FSCN2: variants seen among roughly 807,000 people sequenced by gnomAD.
FSCN2 encodes the protein fascin-2.
FSCN2 carries 46 observed loss-of-function variants against 37.8 expected under a neutral mutation model. The observed-to-expected ratio is 1.22, with a 90% CI of 0.96 to 1.56. FSCN2 has a LOEUF of 1.56. Ranked by LOEUF, FSCN2 falls within the 40% of genes most tolerant of loss-of-function variation. The probability of loss-of-function intolerance (pLI) is 0.00; values close to 1 mark genes in which losing one functional copy is unlikely to be tolerated. For synonymous variants in FSCN2, 351 were observed against 309.4 expected, an observed-to-expected ratio of 1.13 and a Z score of -1.41; for missense variants, 844 against 730.4, an observed-to-expected ratio of 1.16 and a Z score of -1.79.
At chr17:81,519,987 G>C in the FSCN2 span, among the ~76,000 whole-genome samples, 4 of 152,338 alleles carry the variant, frequency 2.6e-5, no homozygotes, top group East Asian at 3.9e-4. Flanking sequence ...AGCAGGAAAA[G>C]GTGGCTCCAG....
chr17:81,515,136 C>G, the FSCN2 span, among the ~76,000 whole-genome samples: 7 of 151,706 alleles, frequency 4.6e-5, no homozygotes, highest in Non-Finnish European at 1.0e-4. Flanking sequence ...GGCGGGCGGG[C>G]AGGGCGAGGC....
intron 1 of FSCN2, among the ~76,000 whole-genome samples, chr17:81,531,819 GTGA>G (rs1323714762): frequency 2.5e-5 from 3 of 118,654 alleles, no homozygotes; most frequent in Non-Finnish European, 4.8e-5. Flanking sequence ...GATGGTGGTG[GTGA>G]TGGTGGTGGT....
At chr17:81,533,964 G>A (rs1246069605) in intron 1 of FSCN2, among the ~76,000 whole-genome samples, 10 of 152,158 alleles carry the variant, frequency 6.6e-5, no homozygotes, top group Admixed American at 3.9e-4. Context: ...TGCTGCCCCC[G>A]GGTACCGTGT....
chr17:81,529,365 G>T lies in FSCN2; in HGVS notation c.826+8G>T. On this transcript the variant is annotated splice_region_variant and intron_variant, in intron 1 of 4. Transcript: ENST00000417245. ...ACGTCTCTGTGCGGCAAGGTAGGGAGGGCACAGGTGGCGACCTCCTGAGGG... is the reference window on the plus strand; with the variant it reads ...ACGTCTCTGTGCGGCAAGGTAGGGATGGCACAGGTGGCGACCTCCTGAGGG... 6.5e-7 allele frequency: 1 copy of T among 1,529,826 alleles called. No individual in the cohort carries two copies. The highest frequency in any genetic ancestry group is 2.3e-5 in the East Asian group (1 of 43,222). 94.8% of individuals were successfully genotyped at this position (1,529,826 alleles called of 1,614,324 possible). A position where few individuals can be genotyped will look rare whatever the true frequency, so the allele number is the denominator to read the frequency against.
chr17:81,536,444 G>C (rs1161118596), intron 3 of FSCN2, 177 bp downstream of exon 3: 11 of 1,478,206 alleles, frequency 7.4e-6, no homozygotes, highest in Non-Finnish European at 9.0e-6. Flanking sequence ...AAACAGGTCT[G>C]AATGTCCTTA....
At chr17:81,516,439 C>A in the FSCN2 span, among the ~76,000 whole-genome samples, 1 of 152,240 alleles carries the variant, frequency 6.6e-6, no homozygotes, top group East Asian at 1.9e-4. Flanking sequence ...TACTCTCAGC[C>A]CACCTCCCTC....
At chr17:81,533,103 C>T (rs1489141001) in intron 1 of FSCN2, among the ~76,000 whole-genome samples, 1 of 152,166 alleles carries the variant, frequency 6.6e-6, no homozygotes, top group Non-Finnish European at 1.5e-5. Context: ...GGTGCCATAG[C>T]ATCACCCCTA....
Position 81,536,172 on chromosome 17 carries a change from A to G in FSCN2, c.1010A>G (p.Glu337Gly). The G allele has an allele frequency of 6.2e-7, 1 of 1,606,234 alleles. No individual in the cohort carries two copies. The highest frequency in any genetic ancestry group is 8.5e-7 in the Non-Finnish European group (1 of 1,177,030). ...TCTGCCAACACCATGTTTGAGATGG[A>G]GTGGCGTGGCCGGCGGGTAGCACTC... ...QVSANTMFEM[E>G]WRGRRVALKA... Residue 337 changes from glutamate to glycine, a missense_variant, in exon 3 of 5, where the codon GAG becomes GGG. Transcript: ENST00000417245.
chr17:81,515,105 TCTGCCTGTCCCTGGGATGCGGGC>T, the FSCN2 span, among the ~76,000 whole-genome samples: 1 of 150,046 alleles, frequency 6.7e-6, no homozygotes, highest in Non-Finnish European at 1.5e-5. Flanking sequence ...GGGATGCGGG[TCTGCCTGTCCCTGGGATGCGGGC>T]GGGCGGGCAG....
At chr17:81,535,264 CCAT>C (rs2032810963) in intron 2 of FSCN2, 56 bp downstream of exon 2, 3 of 1,226,302 alleles carry the variant, frequency 2.4e-6, no homozygotes, top group Admixed American at 4.6e-5. Flanking sequence ...ATCACCATCC[CCAT>C]CATCACCATC....
At chr17:81,534,306 C>G (rs561690015) in intron 1 of FSCN2, among the ~76,000 whole-genome samples, 1 of 152,308 alleles carries the variant, frequency 6.6e-6, no homozygotes, top group Non-Finnish European at 1.5e-5. Context: ...CTCCCAGTCC[C>G]CAGCTGGACA....
At chr17:81,526,345 C>T (rs782236592), upstream of FSCN2, among the ~76,000 whole-genome samples, 3 of 152,232 alleles carry the variant, frequency 2.0e-5, no homozygotes, top group Admixed American at 6.5e-5. Flanking sequence ...CAAAATCCAA[C>T]GGGAGGCCGG....
At chr17:81,525,025 T>G (rs1555669896), upstream of FSCN2, among the ~76,000 whole-genome samples, 1 of 151,728 alleles carries the variant, frequency 6.6e-6, no homozygotes, top group Non-Finnish European at 1.5e-5. Context: ...GAGGCCAAGG[T>G]GGGAGGATCG....
At chr17:81,521,027 T>C in the FSCN2 span, among the ~76,000 whole-genome samples, 1 of 152,164 alleles carries the variant, frequency 6.6e-6, no homozygotes, top group Non-Finnish European at 1.5e-5. Context: ...GCGGAGTTTT[T>C]CATTTTATTT....
chr17:81,535,998 TG>T (rs1234645474), intron 2 of FSCN2, 147 bp from the exon 3 acceptor site: 2 of 966,420 alleles, frequency 2.1e-6, no homozygotes, highest in Non-Finnish European at 3.0e-6. Flanking sequence ...GAAAGCCCAC[TG>T]GGGCAGGGTA....
chr17:81,524,893 TCACACACACA>T (rs138139508), upstream of FSCN2, among the ~76,000 whole-genome samples: 8 of 122,838 alleles, frequency 6.5e-5, no homozygotes, highest in African/African-American at 1.7e-4. Flanking sequence ...ATGAGCACCT[TCACACACACA>T]CACACACACA....
chr17:81,528,787 C>A lies in FSCN2; in HGVS notation c.256C>A (p.Arg86Ser). 6.4e-7 allele frequency: 1 copy of A among 1,566,418 alleles called. No homozygotes were observed. The highest frequency in any genetic ancestry group is 8.6e-7 in the Non-Finnish European group (1 of 1,157,750). ...GGCCTGTGAGGCAGAGCAGCCGGGC[C>A]GTGACTGCCGCTTCCTGGTCCTGCC... Reference protein sequence around the residue: ...RVACEAEQPGRDCRFLVLPQP... With the variant: ...RVACEAEQPGSDCRFLVLPQP... Residue 86 changes from arginine to serine, a missense_variant, in exon 1 of 5, where the codon CGT becomes AGT. Coordinates refer to ENST00000417245, the MANE Select transcript of FSCN2 (RefSeq NM_012418.4).
chr17:81,518,549 C>T, the FSCN2 span, among the ~76,000 whole-genome samples: 2 of 152,168 alleles, frequency 1.3e-5, no homozygotes, highest in Non-Finnish European at 2.9e-5. Flanking sequence ...GGGGCTATAA[C>T]TCTAGGGCTG....
chr17:81,529,151 G>T lies in FSCN2; in HGVS notation c.620G>T (p.Arg207Leu). 6.3e-7 allele frequency: 1 copy of T among 1,585,778 alleles called. No homozygotes were observed. Among genetic ancestry groups the T allele is most frequent in the Non-Finnish European group, 8.6e-7 (1 of 1,167,558 alleles). Residue 207 changes from arginine to leucine, a missense_variant, in exon 1 of 5, where the codon CGT becomes CTT. Arg to Leu is a moderately radical substitution (Grantham distance 102, BLOSUM62 -2). Transcript: ENST00000417245. ...CGTCTGGTCTGGGAGCCTGAGCCCC[G>T]TGCCTGCTACACGCTGGAGTTCAAG... is the stretch of plus-strand genomic sequence containing the variant. The part of the protein sequence containing the change: ...DGRLVWEPEP[R>L]ACYTLEFKAG...
Sources: allele counts gnomAD v4.1 joint callset (sites outside exome capture counted in the v4.1 genomes callset), GRCh38; gene constraint gnomAD v4.1.1; transcripts MANE v1.5; gene names NCBI Gene and HGNC (gene_info 2026-07-23, HGNC 2026-07-21).